TMPRSS2: variants seen among roughly 807,000 people sequenced by gnomAD.
The protein encoded by TMPRSS2 is transmembrane serine protease 2.
A neutral mutation model predicts 67.4 loss-of-function variants in TMPRSS2; 59 were observed. The ratio of observed to expected loss-of-function variants is 0.88; its 90% CI spans 0.71 to 1.09. The LOEUF is 1.09. Among genes scored for constraint, TMPRSS2 ranks in the 50% least tolerant of loss-of-function variants. The pLI is 0.00. For synonymous variants in TMPRSS2, 257 were observed against 257.0 expected, an observed-to-expected ratio of 1.00 and a Z score of 0.00; for missense variants, 668 against 642.7, an observed-to-expected ratio of 1.04 and a Z score of -0.43.
chr21:41,508,072 G>T lies in TMPRSS2; in HGVS notation c.-57+9C>A, dbSNP rs2091471720. ...CCCGAGCCGGGACCCTGGTACCGGC[G>T]CCGCTCACCTGCCGCGCTCCAGGCG... On this transcript the variant is annotated intron_variant, in intron 1 of 13. Transcript: ENST00000332149. 2.4e-6 allele frequency: 3 copies of T among 1,271,524 alleles called. No individual in the cohort carries two copies. Among genetic ancestry groups the T allele is most frequent in the Non-Finnish European group, 3.0e-6 (3 of 1,001,614 alleles). The allele number at this position is 1,271,524 out of a possible 1,614,324, so 78.8% of individuals were successfully genotyped here.
intron 1 of TMPRSS2, chr21:41,502,503 A>G (rs1022418214): frequency 1.0e-6 from 1 of 985,382 alleles, no homozygotes; most frequent in East Asian, 1.1e-4. Flanking sequence ...TTCAAAATCC[A>G]GACAGCACCA....
intron 5 of TMPRSS2, 83 bp downstream of exon 5, chr21:41,488,311 C>A: frequency 3.3e-6 from 5 of 1,533,002 alleles, no homozygotes; most frequent in Non-Finnish European, 4.5e-6. Flanking sequence ...CACGCCAGGC[C>A]CAGTCACCCA....
intron 11 of TMPRSS2, among the ~76,000 whole-genome samples, chr21:41,469,640 C>T (rs1319656405): frequency 6.6e-6 from 1 of 152,138 alleles, no homozygotes; most frequent in South Asian, 2.1e-4. Flanking sequence ...TTCCTGACCA[C>T]CCCTTCAAAA....
At chr21:41,508,005 C>T (rs1260066963) in intron 1 of TMPRSS2, 76 bp downstream of exon 1, 2 of 1,370,860 alleles carry the variant, frequency 1.5e-6, no homozygotes, top group African/African-American at 3.0e-5. Flanking sequence ...CAGGGGGCAT[C>T]GGCGGGTCCC....
At position 41,473,539 on chromosome 21, in the gene TMPRSS2, A is replaced by C. The variant is rs755479600; in HGVS notation, c.728-43T>G. 6 of 1,565,090 alleles carry C rather than the reference A, an allele frequency of 3.8e-6. No homozygotes were observed. The South Asian group carries it at 7.0e-5, about 18-fold the overall frequency. ...GAGGCCAGTGGGGTGAGACCAGCAG[A>C]AGCCGCCCAGCCACCCAGCGCCCGC... On this transcript the variant is annotated intron_variant, in intron 8 of 13. Transcript: ENST00000332149.
chr21:41,476,773 A>G (rs2091217168), intron 7 of TMPRSS2, among the ~76,000 whole-genome samples, 153 bp from the exon 8 acceptor site: 3 of 152,180 alleles, frequency 2.0e-5, no homozygotes, highest in South Asian at 4.1e-4. Context: ...AGGTAAGTAA[A>G]TCCATATAGG....
At chr21:41,481,651 T>C (rs771730437) in intron 5 of TMPRSS2, among the ~76,000 whole-genome samples, 3 of 152,222 alleles carry the variant, frequency 2.0e-5, no homozygotes, top group East Asian at 1.9e-4. Context: ...AGCTGTTTTA[T>C]ATAAAAAATT....
chr21:41,501,577 C>G (rs2091423674), intron 1 of TMPRSS2, among the ~76,000 whole-genome samples: 1 of 141,880 alleles, frequency 7.0e-6, no homozygotes, highest in African/African-American at 2.6e-5. Context: ...CCACTGCACT[C>G]CAGCCTGGGT....
rs2146416173 is a variant in TMPRSS2 at position 41,466,090 on chromosome 21, C to T, written c.*52G>A. 1 of 1,610,412 alleles carries T rather than the reference C, an allele frequency of 6.2e-7. No homozygotes were observed. The highest frequency in any genetic ancestry group is 8.5e-7 in the Non-Finnish European group (1 of 1,177,228). On this transcript the variant is annotated 3_prime_UTR_variant, in exon 14 of 14. Coordinates refer to ENST00000332149, the MANE Select transcript of TMPRSS2 (RefSeq NM_005656.4). ...GTAAATCATGCACGGGGAAGCAAAA[C>T]CAGCCCCATTGTTTTCTTGTAAAAC...
At chr21:41,507,805 GC>G in intron 1 of TMPRSS2, 1 of 940,496 alleles carries the variant, frequency 1.1e-6, no homozygotes, top group Admixed American at 3.8e-5. Context: ...AGGACCACCT[GC>G]CCCAACCTCG....
rs146116431 is a variant in TMPRSS2 at position 41,471,683 on chromosome 21, C to T, written c.1075+123G>A. 1.0e-5 allele frequency: 12 copies of T among 1,176,038 alleles called. No individual in the cohort carries two copies. In the East Asian group the frequency reaches 2.9e-4, roughly 29 times the overall value. 72.9% of individuals were successfully genotyped at this position (1,176,038 alleles called of 1,614,324 possible). A position where few individuals can be genotyped will look rare whatever the true frequency, so the allele number is the denominator to read the frequency against. Reference sequence around the variant, plus strand: ...GTGAGCCTCTCCCATTGGCCACCCGCTGCACGCTACCCTCGCTCAACGCAA... The same window carrying T: ...GTGAGCCTCTCCCATTGGCCACCCGTTGCACGCTACCCTCGCTCAACGCAA... On this transcript the variant is annotated intron_variant, in intron 10 of 13. Coordinates refer to ENST00000332149, the MANE Select transcript of TMPRSS2 (RefSeq NM_005656.4).
intron 1 of TMPRSS2, 171 bp downstream of exon 1, chr21:41,507,910 G>A (rs2146520771): frequency 4.0e-6 from 6 of 1,493,342 alleles, no homozygotes; most frequent in Non-Finnish European, 4.4e-6. Flanking sequence ...GAGGCGCCCT[G>A]CCCGGCTGGC....
intron 2 of TMPRSS2, among the ~76,000 whole-genome samples, chr21:41,496,989 C>T (rs1251620203): frequency 3.3e-5 from 5 of 151,898 alleles, no homozygotes; most frequent in Non-Finnish European, 7.4e-5. Flanking sequence ...TACAGGCATG[C>T]ACCACCACAC....
At chr21:41,492,560 T>C (rs974518093) in intron 3 of TMPRSS2, among the ~76,000 whole-genome samples, 2 of 152,246 alleles carry the variant, frequency 1.3e-5, no homozygotes, top group African/African-American at 4.8e-5. Flanking sequence ...TACATTTCTA[T>C]ATATTAGATG....
intron 1 of TMPRSS2, 48 bp downstream of exon 1, chr21:41,508,033 T>A: frequency 7.6e-7 from 1 of 1,310,020 alleles, no homozygotes; most frequent in Non-Finnish European, 9.7e-7. Flanking sequence ...CAGGTTCCCC[T>A]CCCCAGCCCG....
rs141027872 is a variant in TMPRSS2, at chr21:41,493,514, C to T, written c.238+842G>A. Among the ~76,000 whole-genome samples, 172 of 152,284 alleles carry T rather than the reference C, an allele frequency of 1.1e-3. 1 individual carries two copies. Among genetic ancestry groups the T allele is most frequent in the African/African-American group, 3.7e-3 (154 of 41,570 alleles). On this transcript the variant is annotated intron_variant, in intron 3 of 13. Coordinates refer to ENST00000332149, the MANE Select transcript of TMPRSS2 (RefSeq NM_005656.4). ...GGACACATGGAAATTCACATTCTGA[C>T]GAATCTCTAACTGTACAAGTTGTAG... is the stretch of plus-strand genomic sequence containing the variant.
chr21:41,471,754 A>T, intron 10 of TMPRSS2, 52 bp downstream of exon 10: 1 of 1,518,768 alleles, frequency 6.6e-7, no homozygotes, highest in Non-Finnish European at 8.9e-7. Flanking sequence ...TTTCCAATCA[A>T]CATCTCTTTA....
chr21:41,488,386 T>G lies in TMPRSS2; in HGVS notation c.445+8A>C. 6.2e-7 allele frequency: 1 copy of G among 1,610,614 alleles called. No homozygotes were observed. The highest frequency in any genetic ancestry group is 8.5e-7 in the Non-Finnish European group (1 of 1,177,972). ...AGGAGTCCCTTCCCAAGGTCAAGGC[T>G]GACTCACCACACCGATTCTCGTCCT... is the stretch of plus-strand genomic sequence containing the variant. On this transcript the variant is annotated splice_region_variant and intron_variant, in intron 5 of 13. Coordinates refer to ENST00000332149, the MANE Select transcript of TMPRSS2 (RefSeq NM_005656.4).
intron 4 of TMPRSS2, among the ~76,000 whole-genome samples, chr21:41,488,885 C>G (rs1301782159): frequency 6.6e-6 from 1 of 152,210 alleles, no homozygotes; most frequent in Non-Finnish European, 1.5e-5. Context: ...AGGTGGTCCA[C>G]CTGCCTTGGC....
Sources: allele counts gnomAD v4.1 joint callset (sites outside exome capture counted in the v4.1 genomes callset), GRCh38; gene constraint gnomAD v4.1.1; transcripts MANE v1.5; gene names NCBI Gene and HGNC (gene_info 2026-07-23, HGNC 2026-07-21).